Variants in SYT1 observed in about 807,000 individuals in gnomAD.
SYT1 encodes the protein synaptotagmin 1.
In SYT1, 8 loss-of-function variants were observed where a neutral mutation model predicts 44.8. The observed-to-expected ratio is 0.18, with a 90% confidence interval of 0.10 to 0.32. The LOEUF is 0.32. Among genes scored for constraint, SYT1 ranks in the 10% least tolerant of loss-of-function variants. The pLI is 1.00. For synonymous variants in SYT1, 154 were observed against 188.8 expected (o/e 0.82, Z 1.51); for missense variants, 286 against 509.3 (o/e 0.56, Z 4.22).
At chr12:79,403,088 T>C (rs765690437) in intron 9 of SYT1, among the ~76,000 whole-genome samples, 1 of 152,156 alleles carries the variant, frequency 6.6e-6, no homozygotes, top group Non-Finnish European at 1.5e-5. Flanking sequence ...AGATGACGGG[T>C]GTATATGAGA....
chr12:79,240,566 G>A (rs1299927172), intron 4 of SYT1, among the ~76,000 whole-genome samples: 1 of 152,156 alleles, frequency 6.6e-6, no homozygotes, highest in East Asian at 1.9e-4. Context: ...ATGGTGATCA[G>A]TTCATATCAA....
At chr12:79,023,073 G>A (rs1872299113) in intron 2 of SYT1, among the ~76,000 whole-genome samples, 1 of 151,612 alleles carries the variant, frequency 6.6e-6, no homozygotes, top group Non-Finnish European at 1.5e-5. Flanking sequence ...AGACTCTTTT[G>A]ACTTAGTTTG....
At chr12:79,337,354 T>C (rs1882138750) in intron 8 of SYT1, among the ~76,000 whole-genome samples, 1 of 152,158 alleles carries the variant, frequency 6.6e-6, no homozygotes, top group Non-Finnish European at 1.5e-5. Flanking sequence ...TGGCCATTCC[T>C]ATTCCCTCCA....
chr12:79,286,028 A>T, intron 5 of SYT1, 57 bp downstream of exon 5: 1 of 1,532,618 alleles, frequency 6.5e-7, no homozygotes, highest in Non-Finnish European at 8.8e-7. Flanking sequence ...AAACAAATGT[A>T]TTATTTTATG....
chr12:79,448,360 CAT>C (rs1870849104), intron 10 of SYT1, among the ~76,000 whole-genome samples: 1 of 152,170 alleles, frequency 6.6e-6, no homozygotes, highest in Admixed American at 6.5e-5. Context: ...TGCTCACAAT[CAT>C]ATGATTAGTT....
At chr12:79,318,495 A>G (rs1036266469) in intron 8 of SYT1, among the ~76,000 whole-genome samples, 8 of 152,358 alleles carry the variant, frequency 5.3e-5, no homozygotes, top group African/African-American at 1.7e-4. Context: ...CCTGGATAAC[A>G]CTAGAATACA....
At chr12:79,117,400 T>A (rs1879333299) in intron 3 of SYT1, among the ~76,000 whole-genome samples, 6 of 151,818 alleles carry the variant, frequency 4.0e-5, no homozygotes, top group African/African-American at 1.5e-4. Context: ...TATTTCAATT[T>A]CAGAAGGAGC....
intron 1 of SYT1, among the ~76,000 whole-genome samples, chr12:78,894,374 C>CAT (rs1215549372): frequency 1.3e-5 from 1 of 78,392 alleles, no homozygotes; most frequent in Non-Finnish European, 2.2e-5. Flanking sequence ...TTGTGATCAC[C>CAT]ATAATGTAGT....
intron 1 of SYT1, among the ~76,000 whole-genome samples, chr12:78,952,425 A>C (rs1879014327): frequency 6.6e-6 from 1 of 152,082 alleles, no homozygotes; most frequent in South Asian, 2.1e-4. Flanking sequence ...TAGAATATTT[A>C]AAGAGCCTGG....
intron 3 of SYT1, among the ~76,000 whole-genome samples, chr12:79,126,693 A>T (rs2138158046): frequency 6.6e-6 from 1 of 152,312 alleles, no homozygotes; most frequent in Non-Finnish European, 1.5e-5. Flanking sequence ...TGGTGTTAGT[A>T]AGAATTATTT....
intron 4 of SYT1, 137 bp downstream of exon 4, chr12:79,217,822 A>T (rs1592863283): frequency 3.4e-6 from 2 of 580,918 alleles, no homozygotes; most frequent in Non-Finnish European, 2.6e-6. Context: ...TAGTATCCCA[A>T]TATAAAATGA....
At chr12:79,190,936 G>A (rs972757078) in intron 3 of SYT1, among the ~76,000 whole-genome samples, 2 of 151,878 alleles carry the variant, frequency 1.3e-5, no homozygotes, top group Non-Finnish European at 2.9e-5. Context: ...CACAAAACAA[G>A]GTTCCTGTTT....
intron 2 of SYT1, among the ~76,000 whole-genome samples, chr12:79,045,059 T>C (rs983907285): frequency 1.3e-5 from 2 of 152,134 alleles, no homozygotes; most frequent in African/African-American, 4.8e-5. Flanking sequence ...CTGCAGAGGT[T>C]ACTGCTGTCT....
At chr12:78,884,252 T>G (rs1874613750) in intron 1 of SYT1, among the ~76,000 whole-genome samples, 1 of 151,654 alleles carries the variant, frequency 6.6e-6, no homozygotes, top group South Asian at 2.1e-4. Context: ...GATTAGATAT[T>G]ACTTTATACA....
chr12:79,415,107 TG>T (rs1296261859), intron 9 of SYT1, among the ~76,000 whole-genome samples: 22 of 151,206 alleles, frequency 1.5e-4, no homozygotes, highest in African/African-American at 4.8e-4. Flanking sequence ...ATTTACAATT[TG>T]TTTGTTTGTT....
intron 9 of SYT1, among the ~76,000 whole-genome samples, chr12:79,431,679 G>A (rs930113340): frequency 6.6e-6 from 1 of 152,066 alleles, no homozygotes; most frequent in Non-Finnish European, 1.5e-5. Flanking sequence ...AAGTAGCTGG[G>A]ATTACAGGCA....
chr12:79,247,939 A>G (rs74107385), intron 4 of SYT1, among the ~76,000 whole-genome samples: 58 of 152,378 alleles, frequency 3.8e-4, no homozygotes, highest in African/African-American at 1.3e-3. Flanking sequence ...TTAAGAAAGA[A>G]CATCTTGAAT....
intron 3 of SYT1, among the ~76,000 whole-genome samples, chr12:79,186,657 A>G (rs1872819017): frequency 6.6e-6 from 1 of 152,042 alleles, no homozygotes; most frequent in African/African-American, 2.4e-5. Context: ...AATCGGAAGT[A>G]GACTCCTGGC....
chr12:79,322,012 C>T (rs1419524576), intron 8 of SYT1, among the ~76,000 whole-genome samples: 1 of 152,104 alleles, frequency 6.6e-6, no homozygotes, highest in Non-Finnish European at 1.5e-5. Context: ...TTGATTGTTC[C>T]TCTCAGGGCC....
Sources: gnomAD v4.1 joint callset for allele counts (sites outside exome capture counted in the v4.1 genomes callset) on GRCh38, gnomAD v4.1.1 for gene constraint, MANE v1.5 for transcripts, NCBI Gene and HGNC (gene_info 2026-07-23, HGNC 2026-07-21) for gene names.